The following NEO1 variants were observed in gnomAD, a reference collection of about 807,000 sequenced individuals.
NEO1 encodes neogenin.
Under a neutral mutation model 159.7 loss-of-function variants are expected in NEO1, and 63 were observed. That is an observed-to-expected ratio of 0.39 (90% CI 0.32 to 0.49). The LOEUF (loss-of-function observed/expected upper bound fraction) is 0.49, where lower values mean the gene tolerates loss of function less well. NEO1 is among the 20% of genes least tolerant of loss of function. NEO1 has a pLI of 0.85. For missense variants in NEO1, 1,615 were observed against 1,831.0 expected (o/e 0.88, Z 2.15); for synonymous variants, 633 against 662.0 (o/e 0.96, Z 0.67).
intron 21 of NEO1, among the ~76,000 whole-genome samples, chr15:73,275,064 A>G (rs555781977): frequency 1.7e-4 from 26 of 152,228 alleles, no homozygotes; most frequent in South Asian, 6.2e-4. Context: ...GATCATACCA[A>G]TTGTTCATGT....
Position 73,103,023 on chromosome 15 carries a change from A to T in NEO1, c.131-13517A>T, listed in dbSNP as rs139128239. 2.4e-3 allele frequency among the ~76,000 whole-genome samples: 359 copies of T among 152,034 alleles called. 2 individuals are homozygous for T. Among genetic ancestry groups the T allele is most frequent in the African/African-American group, 7.6e-3 (316 of 41,450 alleles). ...CCTCCTTTACTCACCTTACTTTCGC[A>T]TTTATTCAGTCTTAAGACGTATTGA... On this transcript the variant is annotated intron_variant, in intron 1 of 28. Transcript: ENST00000261908.
rs149128019 is a variant in NEO1 at position 73,224,052 on chromosome 15, T to C, written c.1292-12295T>C. 1.5e-4 allele frequency among the ~76,000 whole-genome samples: 23 copies of C among 152,324 alleles called. No homozygotes were observed. In the East Asian group the frequency reaches 4.1e-3, roughly 27 times the overall value. ...TGGAAAAGACTGTATCTTTCCTTCA[T>C]ATGTGATGCTTAGTTTCACTGGATA... On this transcript the variant is annotated intron_variant, in intron 7 of 28. Transcript: ENST00000261908.
intron 1 of NEO1, among the ~76,000 whole-genome samples, chr15:73,098,719 T>A (rs1162867529): frequency 1.3e-5 from 2 of 152,190 alleles, no homozygotes; most frequent in South Asian, 2.1e-4. Flanking sequence ...TAGCCTTGCT[T>A]GTACCTGCCT....
At chr15:73,087,812 A>G (rs539926846) in intron 1 of NEO1, among the ~76,000 whole-genome samples, 1 of 152,238 alleles carries the variant, frequency 6.6e-6, no homozygotes, top group Non-Finnish European at 1.5e-5. Flanking sequence ...ATGTGGGTAT[A>G]TATTTAAAAC....
chr15:73,143,906 T>G (rs1359083144), intron 5 of NEO1, among the ~76,000 whole-genome samples: 1 of 152,194 alleles, frequency 6.6e-6, no homozygotes, highest in Non-Finnish European at 1.5e-5. Context: ...CTGATTTGTT[T>G]ATATGTCCTC....
intron 5 of NEO1, among the ~76,000 whole-genome samples, chr15:73,158,301 T>A (rs773143985): frequency 1.3e-5 from 2 of 151,202 alleles, no homozygotes; most frequent in Non-Finnish European, 2.9e-5. Context: ...TCCTGGGATA[T>A]TAAATGGCAT....
intron 7 of NEO1, among the ~76,000 whole-genome samples, chr15:73,194,646 A>G (rs1366083366): frequency 4.6e-5 from 7 of 152,190 alleles, no homozygotes. Context: ...ACTCTCCACT[A>G]GGCTGACCCT....
At position 73,052,532 on chromosome 15, in the gene NEO1, C is replaced by A; in HGVS notation, c.-144C>A. The A allele has an allele frequency of 3.3e-6, 1 of 304,548 alleles. No individual in the cohort carries two copies. Among genetic ancestry groups the A allele is most frequent in the Non-Finnish European group, 5.4e-6 (1 of 185,182 alleles). The allele number at this position is 304,548 out of a possible 1,614,324, so 18.9% of individuals were successfully genotyped here. A position where few individuals can be genotyped will look rare whatever the true frequency, so the allele number is the denominator to read the frequency against. ...CCTCCAGCGAGAGGGGCTGCGCGGG[C>A]CGGGCCGGGCCGGGCTGGGCTGGAG... On this transcript the variant is annotated 5_prime_UTR_variant, in exon 1 of 29. Coordinates refer to ENST00000261908, the MANE Select transcript of NEO1 (RefSeq NM_002499.4).
intron 7 of NEO1, among the ~76,000 whole-genome samples, chr15:73,201,726 T>G (rs1227669650): frequency 1.3e-5 from 2 of 152,132 alleles, no homozygotes; most frequent in Non-Finnish European, 2.9e-5. Flanking sequence ...TTTTGCCTTA[T>G]ATATTCTGGC....
At chr15:73,075,741 T>C (rs2068739992) in intron 1 of NEO1, among the ~76,000 whole-genome samples, 1 of 152,198 alleles carries the variant, frequency 6.6e-6, no homozygotes, top group Non-Finnish European at 1.5e-5. Context: ...AGCCAAATAG[T>C]GCTGTCCTAT....
chr15:73,241,964 A>AT (rs1011329425), intron 8 of NEO1, among the ~76,000 whole-genome samples: 2 of 152,198 alleles, frequency 1.3e-5, no homozygotes, highest in Non-Finnish European at 2.9e-5. Flanking sequence ...CAAGATTTAC[A>AT]TATCAGAAGG....
intron 5 of NEO1, among the ~76,000 whole-genome samples, chr15:73,157,674 C>G (rs1293926377): frequency 6.6e-6 from 1 of 152,196 alleles, no homozygotes; most frequent in African/African-American, 2.4e-5. Flanking sequence ...CTCCCATGCT[C>G]CCTCTTGGAT....
chr15:73,251,863 G>C (rs2040089854), intron 11 of NEO1, among the ~76,000 whole-genome samples: 1 of 152,108 alleles, frequency 6.6e-6, no homozygotes, highest in Non-Finnish European at 1.5e-5. Context: ...TACAAAATAG[G>C]AATGAGAATA....
In NEO1 at chr15:73,052,612, G is replaced by T; in HGVS notation, c.-64G>T. ...GCGAGGGACCGGCTGAGGCGCGCGG[G>T]AGGGAAGGAGGCAAGGGCTCCGCGG... On this transcript the variant is annotated 5_prime_UTR_variant, in exon 1 of 29. Coordinates refer to ENST00000261908, the MANE Select transcript of NEO1 (RefSeq NM_002499.4). The T allele has an allele frequency of 1.9e-6, 2 of 1,056,552 alleles. No individual in the cohort carries two copies. Among genetic ancestry groups the T allele is most frequent in the Non-Finnish European group, 2.4e-6 (2 of 844,436 alleles). 65.4% of individuals were successfully genotyped at this position (1,056,552 alleles called of 1,614,324 possible). A position where few individuals can be genotyped will look rare whatever the true frequency, so the allele number is the denominator to read the frequency against.
In NEO1 at chr15:73,052,690, G is replaced by T. The variant is rs1196128231; in HGVS notation, c.15G>T (p.Arg5=). The change falls in exon 1 of 29, where the codon CGG becomes CGT. Residue 5 remains arginine, a synonymous_variant. Coordinates refer to ENST00000261908, the MANE Select transcript of NEO1 (RefSeq NM_002499.4). ...TCGGGGAAGAGATGGCGGCGGAGCG[G>T]GGAGCCCGGCGACTCCTCAGCACCC... The part of the protein sequence containing the change: MAAE[R]GARRLLSTPS... 7.4e-7 allele frequency: 1 copy of T among 1,357,514 alleles called. No homozygotes were observed. The highest frequency in any genetic ancestry group is 3.3e-5 in the East Asian group (1 of 30,036). The allele number at this position is 1,357,514 out of a possible 1,614,324, so 84.1% of individuals were successfully genotyped here. A position where few individuals can be genotyped will look rare whatever the true frequency, so the allele number is the denominator to read the frequency against.
intron 5 of NEO1, among the ~76,000 whole-genome samples, chr15:73,146,920 G>T (rs2032949085): frequency 6.6e-6 from 1 of 152,122 alleles, no homozygotes; most frequent in Admixed American, 6.5e-5. Flanking sequence ...TTACTAAAAT[G>T]ACCCCAATGA....
chr15:73,230,910 T>A (rs917793784), intron 7 of NEO1, among the ~76,000 whole-genome samples: 4 of 151,572 alleles, frequency 2.6e-5, no homozygotes, highest in African/African-American at 4.8e-5. Context: ...AAAATTTTTT[T>A]AAATTTTTCT....
intron 5 of NEO1, among the ~76,000 whole-genome samples, chr15:73,169,943 A>G (rs1268624822): frequency 6.6e-6 from 1 of 152,044 alleles, no homozygotes; most frequent in African/African-American, 2.4e-5. Flanking sequence ...TAAAGGAGGA[A>G]ATAGGATGAG....
chr15:73,227,910 A>C (rs1356140709), intron 7 of NEO1, among the ~76,000 whole-genome samples: 5 of 152,208 alleles, frequency 3.3e-5, no homozygotes, highest in African/African-American at 1.2e-4. Flanking sequence ...CTGTCCTGAG[A>C]TGTTTAGACT....
Sources: allele counts gnomAD v4.1 joint callset (sites outside exome capture counted in the v4.1 genomes callset), GRCh38; gene constraint gnomAD v4.1.1; transcripts MANE v1.5; gene names NCBI Gene and HGNC (gene_info 2026-07-23, HGNC 2026-07-21).